The following PPP1R14C variants were observed in gnomAD, a reference collection of about 807,000 sequenced individuals.
PPP1R14C encodes the protein protein phosphatase 1 regulatory subunit 14C.
In PPP1R14C, 16 loss-of-function variants were observed where a neutral mutation model predicts 20.4. That is an observed-to-expected ratio of 0.78 (90% CI 0.53 to 1.19). The LOEUF is 1.19. PPP1R14C is among the 50% of genes most tolerant of loss of function. The pLI, the probability that PPP1R14C is intolerant of heterozygous loss-of-function variation, is 0.00. For missense variants in PPP1R14C, 211 were observed against 220.1 expected (o/e 0.96, Z 0.26); for synonymous variants, 91 against 91.0 (o/e 1.00, Z 0.00).
chr6:150,192,327 G>T (rs1777755373), intron 1 of PPP1R14C, among the ~76,000 whole-genome samples: 2 of 152,172 alleles, frequency 1.3e-5, no homozygotes, highest in Admixed American at 1.3e-4. Context: ...CTGGGGGTTG[G>T]GTGCAGATGG....
chr6:150,162,008 A>G (rs994888455), intron 1 of PPP1R14C, among the ~76,000 whole-genome samples: 9 of 150,742 alleles, frequency 6.0e-5, no homozygotes, highest in African/African-American at 2.2e-4. Flanking sequence ...CCCTATAAAT[A>G]TCTCCTGTGC....
At chr6:150,148,693 A>G (rs1485071451) in intron 1 of PPP1R14C, among the ~76,000 whole-genome samples, 1 of 152,212 alleles carries the variant, frequency 6.6e-6, no homozygotes, top group African/African-American at 2.4e-5. Flanking sequence ...TTGTTCAGGT[A>G]TTTGAGGACA....
chr6:150,148,250 T>C (rs1332781853), intron 1 of PPP1R14C, among the ~76,000 whole-genome samples: 4 of 152,168 alleles, frequency 2.6e-5, no homozygotes, highest in Admixed American at 6.5e-5. Context: ...TGGCAACAAC[T>C]CTGAGACCCC....
At chr6:150,165,396 T>C (rs1445969784) in intron 1 of PPP1R14C, among the ~76,000 whole-genome samples, 1 of 152,242 alleles carries the variant, frequency 6.6e-6, no homozygotes, top group African/African-American at 2.4e-5. Context: ...GTTAATTACA[T>C]TTCTTCTCTA....
At chr6:150,160,647 G>A (rs187101034) in intron 1 of PPP1R14C, among the ~76,000 whole-genome samples, 18 of 152,120 alleles carry the variant, frequency 1.2e-4, no homozygotes, top group East Asian at 3.9e-4. Flanking sequence ...ATTCTTTTGC[G>A]TGGGAGATTT....
rs552831126 is a variant in PPP1R14C, at chr6:150,238,821, G to A, written c.424-9925G>A. Reference sequence around the variant, plus strand: ...GGATTCAAACATTTGCTTGGTGATCGTAGGCAGTGACTTGTAATGAACTAG... The same window carrying A: ...GGATTCAAACATTTGCTTGGTGATCATAGGCAGTGACTTGTAATGAACTAG... On this transcript the variant is annotated intron_variant, in intron 3 of 3. Coordinates refer to ENST00000361131, the MANE Select transcript of PPP1R14C (RefSeq NM_030949.3). 9.8e-5 allele frequency among the ~76,000 whole-genome samples: 15 copies of A among 152,360 alleles called. No homozygotes were observed. In the South Asian group the frequency reaches 1.9e-3, roughly 19 times the overall value.
chr6:150,237,961 T>G (rs1286355775), intron 3 of PPP1R14C, among the ~76,000 whole-genome samples: 3 of 152,224 alleles, frequency 2.0e-5, no homozygotes, highest in Non-Finnish European at 4.4e-5. Context: ...TCTGTTTCTC[T>G]CCTTCTTGCA....
chr6:150,160,702 C>T (rs917758953), intron 1 of PPP1R14C, among the ~76,000 whole-genome samples: 1 of 152,030 alleles, frequency 6.6e-6, no homozygotes, highest in Non-Finnish European at 1.5e-5. Context: ...TTATTTATGT[C>T]AGTATGGTTC....
chr6:150,188,647 C>A (rs1206092848), intron 1 of PPP1R14C, among the ~76,000 whole-genome samples: 1 of 150,624 alleles, frequency 6.6e-6, no homozygotes, highest in Non-Finnish European at 1.5e-5. Context: ...CCACCACGCC[C>A]GGCTAATTTT....
In PPP1R14C at chr6:150,248,852, GAAGA is replaced by G. The variant is rs748751865; in HGVS notation, c.*37_*40del. 25 of 1,426,202 alleles carry G rather than the reference GAAGA, an allele frequency of 1.8e-5. No individual in the cohort carries two copies. The South Asian group carries it at 2.0e-4, about 11-fold the overall frequency. 88.3% of individuals were successfully genotyped at this position (1,426,202 alleles called of 1,614,324 possible). A position where few individuals can be genotyped will look rare whatever the true frequency, so the allele number is the denominator to read the frequency against. ...AACAGGGTGAAACTCTCCCAGAGAC[GAAGA>G]AAGAGTCCTGGGATTTGTACTTCAT... On this transcript the variant is annotated 3_prime_UTR_variant, in exon 4 of 4. Transcript: ENST00000361131.
intron 1 of PPP1R14C, among the ~76,000 whole-genome samples, chr6:150,187,402 T>C (rs1399203133): frequency 6.6e-6 from 1 of 152,066 alleles, no homozygotes; most frequent in East Asian, 1.9e-4. Flanking sequence ...GTCACCCAGG[T>C]ATTAAGATGA....
At chr6:150,242,929 A>G (rs1778449258) in intron 3 of PPP1R14C, among the ~76,000 whole-genome samples, 1 of 152,224 alleles carries the variant, frequency 6.6e-6, no homozygotes, top group Non-Finnish European at 1.5e-5. Flanking sequence ...TATACTGTTT[A>G]CAATAACATC....
chr6:150,171,190 C>T (rs6912372), intron 1 of PPP1R14C, among the ~76,000 whole-genome samples: 71,532 of 151,944 alleles, frequency 0.47, 17,165 homozygotes, highest in Middle Eastern at 0.57. Context: ...ATGACATGTA[C>T]CCACCATGGT....
chr6:150,205,944 C>T (rs960576278), intron 1 of PPP1R14C, among the ~76,000 whole-genome samples: 4 of 152,112 alleles, frequency 2.6e-5, no homozygotes. Flanking sequence ...ACAGGTAAAC[C>T]ATAACCCATC....
chr6:150,212,080 C>G (rs1353273600), intron 1 of PPP1R14C, among the ~76,000 whole-genome samples: 3 of 152,136 alleles, frequency 2.0e-5, no homozygotes, highest in East Asian at 3.9e-4. Flanking sequence ...TTACTCCTGT[C>G]AAGCCCCTTT....
At chr6:150,218,085 A>G (rs1262961732) in intron 3 of PPP1R14C, among the ~76,000 whole-genome samples, 2 of 152,156 alleles carry the variant, frequency 1.3e-5, no homozygotes, top group Non-Finnish European at 2.9e-5. Context: ...CAACCTGGTC[A>G]ACATGGCGAG....
chr6:150,187,259 G>C (rs1337717350), intron 1 of PPP1R14C, among the ~76,000 whole-genome samples: 8 of 147,700 alleles, frequency 5.4e-5, no homozygotes, highest in African/African-American at 1.8e-4. Flanking sequence ...GTGTGTGTGT[G>C]TGTGTGTGTG....
intron 1 of PPP1R14C, among the ~76,000 whole-genome samples, chr6:150,186,228 A>T (rs185940485): frequency 6.6e-6 from 1 of 152,316 alleles, no homozygotes; most frequent in East Asian, 1.9e-4. Flanking sequence ...AATTCCAGGA[A>T]GCTTAGCAAA....
chr6:150,153,728 A>G (rs1297499490), intron 1 of PPP1R14C, among the ~76,000 whole-genome samples: 2 of 152,238 alleles, frequency 1.3e-5, no homozygotes, highest in Non-Finnish European at 2.9e-5. Flanking sequence ...AGCTTAGAAA[A>G]AAGAAGACCA....
Sources: allele counts gnomAD v4.1 joint callset (sites outside exome capture counted in the v4.1 genomes callset), GRCh38; gene constraint gnomAD v4.1.1; transcripts MANE v1.5; gene names NCBI Gene and HGNC (gene_info 2026-07-23, HGNC 2026-07-21).